The following GOLPH3 variants were observed in gnomAD, a reference collection of about 807,000 sequenced individuals.
The protein encoded by GOLPH3 is golgi phosphoprotein 3.
In GOLPH3, 14 loss-of-function variants were observed where a neutral mutation model predicts 28.5. The ratio of observed to expected loss-of-function variants is 0.49; its 90% CI spans 0.32 to 0.77. The LOEUF is 0.77. Ranked by LOEUF, GOLPH3 falls within the 30% of genes least tolerant of loss-of-function variation. The pLI is 0.03. For synonymous variants in GOLPH3, 158 were observed against 159.2 expected (o/e 0.99, Z 0.06); for missense variants, 350 against 393.7 (o/e 0.89, Z 0.94).
chr5:32,129,075 G>C (rs187468066), intron 3 of GOLPH3, among the ~76,000 whole-genome samples: 1 of 152,022 alleles, frequency 6.6e-6, no homozygotes, highest in Admixed American at 6.5e-5. Context: ...CCAGCTACTC[G>C]GGAGGCTGAG....
chr5:32,155,724 G>A (rs112787299), intron 1 of GOLPH3, among the ~76,000 whole-genome samples: 9 of 151,976 alleles, frequency 5.9e-5, no homozygotes, highest in African/African-American at 1.4e-4. Flanking sequence ...TTGGGAGGCC[G>A]AGGCAGGCAG....
At chr5:32,162,432 C>G (rs1380528719) in intron 1 of GOLPH3, among the ~76,000 whole-genome samples, 1 of 150,678 alleles carries the variant, frequency 6.6e-6, no homozygotes, top group Non-Finnish European at 1.5e-5. Context: ...GCGGAGCTTG[C>G]GGTGAGCAGA....
intron 1 of GOLPH3, among the ~76,000 whole-genome samples, chr5:32,162,986 G>A (rs1022999789): frequency 5.9e-5 from 9 of 152,272 alleles, no homozygotes; most frequent in Admixed American, 2.0e-4. Context: ...GCTGAGGCAG[G>A]AGAATGGCGT....
At chr5:32,135,456 T>C (rs1745912310) in intron 3 of GOLPH3, 116 bp downstream of exon 3, 1 of 654,902 alleles carries the variant, frequency 1.5e-6, no homozygotes, top group Non-Finnish European at 2.7e-6. Context: ...ACTTTCAAGT[T>C]TGCCTAAATA....
chr5:32,135,093 A>G (rs770778159), intron 3 of GOLPH3, among the ~76,000 whole-genome samples: 8 of 152,232 alleles, frequency 5.3e-5, no homozygotes, highest in Admixed American at 4.6e-4. Flanking sequence ...TTCTAAGCAG[A>G]AACTTAAGAG....
intron 2 of GOLPH3, among the ~76,000 whole-genome samples, chr5:32,138,538 C>CT (rs1299053449): frequency 6.6e-6 from 1 of 151,948 alleles, no homozygotes; most frequent in Non-Finnish European, 1.5e-5. Context: ...CCTCCCCGCT[C>CT]TTAAATTTTC....
intron 1 of GOLPH3, among the ~76,000 whole-genome samples, chr5:32,144,315 T>G (rs1746144513): frequency 6.6e-6 from 1 of 152,250 alleles, no homozygotes; most frequent in South Asian, 2.1e-4. Context: ...TATTGCTGTT[T>G]AGGATAAAAC....
At position 32,173,940 on chromosome 5, in the gene GOLPH3, C is replaced by G; in HGVS notation, c.95G>C (p.Gly32Ala). Reference sequence around the variant, plus strand: ...CGCGTCGTCCTCGCTGCTGCCGGCGCCGCCGCCCGCCGCCCGCTCCTTGTC... The same window carrying G: ...CGCGTCGTCCTCGCTGCTGCCGGCGGCGCCGCCCGCCGCCCGCTCCTTGTC... ...AADKERAAGG[G>A]AGSSEDDAQS... The change falls in exon 1 of 4, where the codon GGC (glycine) becomes GCC (alanine). Residue 32 changes from glycine to alanine, a missense_variant. Physicochemically the swap from Gly to Ala is moderately conservative, Grantham distance 60 (BLOSUM62 0). Coordinates refer to ENST00000265070, the MANE Select transcript of GOLPH3 (RefSeq NM_022130.4). 2 of 1,465,084 alleles carry G rather than the reference C, an allele frequency of 1.4e-6. No homozygotes were observed. Among genetic ancestry groups the G allele is most frequent in the South Asian group, 1.3e-5 (1 of 74,956 alleles). The allele number at this position is 1,465,084 out of a possible 1,614,324, so 90.8% of individuals were successfully genotyped here.
At chr5:32,128,450 G>A (rs1745745046) in intron 3 of GOLPH3, among the ~76,000 whole-genome samples, 1 of 152,082 alleles carries the variant, frequency 6.6e-6, no homozygotes, top group Non-Finnish European at 1.5e-5. Context: ...CTGAGGTCAG[G>A]AGTTCGAGAC....
intron 1 of GOLPH3, 60 bp from the exon 2 acceptor site, chr5:32,143,940 A>T: frequency 8.3e-7 from 1 of 1,200,118 alleles, no homozygotes; most frequent in Non-Finnish European, 1.1e-6. Flanking sequence ...ATTCAGAGTA[A>T]AAAACAGAAA....
chr5:32,160,277 T>C (rs1347342810), intron 1 of GOLPH3, among the ~76,000 whole-genome samples: 2 of 152,218 alleles, frequency 1.3e-5, no homozygotes. Context: ...AGGGTATTGC[T>C]GTGTTGCCCA....
At chr5:32,169,171 C>T (rs150117132) in intron 1 of GOLPH3, among the ~76,000 whole-genome samples, 40 of 151,970 alleles carry the variant, frequency 2.6e-4, no homozygotes, top group African/African-American at 8.9e-4. Context: ...GGTCCTAGCT[C>T]CTCGGGAAGC....
At position 32,164,931 on chromosome 5, in the gene GOLPH3, G is replaced by C. The variant is rs1290411113; in HGVS notation, c.225+8879C>G. On this transcript the variant is annotated intron_variant, in intron 1 of 3. Coordinates refer to ENST00000265070, the MANE Select transcript of GOLPH3 (RefSeq NM_022130.4). ...TTTTTTTTTTTTTTGAGATAGTCTT[G>C]CTCTGTTGCCCAGGCTGGAGTGCAG... 3.9e-4 allele frequency among the ~76,000 whole-genome samples: 39 copies of C among 99,964 alleles called. No homozygotes were observed. The East Asian group carries it at 0.011, about 27-fold the overall frequency. 65.6% of individuals were successfully genotyped at this position (99,964 alleles called of 152,430 possible). A position where few individuals can be genotyped will look rare whatever the true frequency, so the allele number is the denominator to read the frequency against.
At chr5:32,157,150 G>A (rs1430537514) in intron 1 of GOLPH3, among the ~76,000 whole-genome samples, 1 of 152,152 alleles carries the variant, frequency 6.6e-6, no homozygotes, top group African/African-American at 2.4e-5. Context: ...GATCTTATCT[G>A]CCACTCCCTG....
intron 2 of GOLPH3, among the ~76,000 whole-genome samples, chr5:32,136,722 A>G (rs1378309895): frequency 3.3e-5 from 5 of 152,202 alleles, no homozygotes; most frequent in Admixed American, 1.3e-4. Flanking sequence ...ACATGCATCC[A>G]TTGGAACATT....
At position 32,173,966 on chromosome 5, in the gene GOLPH3, G is replaced by C. The variant is rs752458232; in HGVS notation, c.69C>G (p.Ala23=). 1.4e-6 allele frequency: 2 copies of C among 1,414,104 alleles called. No individual in the cohort carries two copies. Among genetic ancestry groups the C allele is most frequent in the Admixed American group, 6.3e-5 (2 of 31,632 alleles). The allele number at this position is 1,414,104 out of a possible 1,614,324, so 87.6% of individuals were successfully genotyped here. ...CGCCGCCCGCCGCCCGCTCCTTGTC[G>C]GCGGCGTTGCGGGAGGCCTCGGTGC... ...QRRTEASRNA[A]DKERAAGGGA... Residue 23 remains alanine (A), a synonymous_variant, in exon 1 of 4, where the codon GCC becomes GCG. Transcript: ENST00000265070.
intron 1 of GOLPH3, among the ~76,000 whole-genome samples, chr5:32,152,193 C>A (rs1306451644): frequency 2.0e-5 from 3 of 151,620 alleles, no homozygotes; most frequent in Non-Finnish European, 4.4e-5. Flanking sequence ...GTGGCACAAT[C>A]TCAGCTCATT....
intron 1 of GOLPH3, among the ~76,000 whole-genome samples, chr5:32,155,956 C>CAAAAAAAAA (rs70961608): frequency 3.1e-4 from 15 of 47,818 alleles, no homozygotes; most frequent in East Asian, 1.0e-3. Context: ...AACACTGTCT[C>CAAAAAAAAA]AAAAAAAAAA....
At chr5:32,136,986 T>C (rs539110507) in intron 2 of GOLPH3, among the ~76,000 whole-genome samples, 2 of 151,672 alleles carry the variant, frequency 1.3e-5, no homozygotes, top group Admixed American at 1.3e-4. Context: ...GGAAATGGAG[T>C]TTTGCTCATC....
Sources: gnomAD v4.1 joint callset for allele counts (sites outside exome capture counted in the v4.1 genomes callset) on GRCh38, gnomAD v4.1.1 for gene constraint, MANE v1.5 for transcripts, NCBI Gene and HGNC (gene_info 2026-07-23, HGNC 2026-07-21) for gene names.